Variants in C1QTNF5 observed in about 807,000 individuals in gnomAD.
The protein encoded by C1QTNF5 is complement C1q tumor necrosis factor-related protein 5.
C1QTNF5 carries 5 observed loss-of-function variants against 10.9 expected under a neutral mutation model. The observed-to-expected ratio is 0.46, with a 90% CI of 0.24 to 0.97. The LOEUF (loss-of-function observed/expected upper bound fraction) is 0.97, where lower values mean the gene tolerates loss of function less well. Among genes scored for constraint, C1QTNF5 ranks in the 50% least tolerant of loss-of-function variants. The pLI, the probability that C1QTNF5 is intolerant of heterozygous loss-of-function variation, is 0.19. For missense variants in C1QTNF5, 281 were observed against 339.4 expected, an observed-to-expected ratio of 0.83 and a Z score of 1.35; for synonymous variants, 161 against 156.5, an observed-to-expected ratio of 1.03 and a Z score of -0.22.
upstream of C1QTNF5, chr11:119,342,502 G>T: frequency 6.6e-7 from 1 of 1,522,336 alleles, no homozygotes; most frequent in Non-Finnish European, 8.9e-7. Flanking sequence ...CGCCCCCTCA[G>T]GGAGGTTGGG....
chr11:119,344,735 G>C, upstream of C1QTNF5: 1 of 1,614,056 alleles, frequency 6.2e-7, no homozygotes, highest in Non-Finnish European at 8.5e-7. Flanking sequence ...GGTCACAGCG[G>C]AACTCATCAT....
Position 119,339,861 on chromosome 11 carries a change from C to G in C1QTNF5, c.215-13G>C, listed in dbSNP as rs545270548. On this transcript the variant is annotated splice_polypyrimidine_tract_variant and intron_variant, in intron 2 of 2. Coordinates refer to ENST00000528368, the MANE Select transcript of C1QTNF5 (RefSeq NM_001278431.2). This position sits in a 1 kb window ranked among gnomAD's most constrained non-coding sequence, Gnocchi z 5.4. ...GGTCCCGGCAGTCCTGCGGGGTAAG[C>G]GGGGCGGCAGGGTGAGAGTAGCGGC... is the stretch of plus-strand genomic sequence containing the variant. 5.5e-6 allele frequency: 8 copies of G among 1,463,056 alleles called. No individual in the cohort carries two copies. In the South Asian group the frequency reaches 8.3e-5, roughly 15 times the overall value. 90.6% of individuals were successfully genotyped at this position (1,463,056 alleles called of 1,614,324 possible). A position where few individuals can be genotyped will look rare whatever the true frequency, so the allele number is the denominator to read the frequency against.
chr11:119,344,456 G>T, upstream of C1QTNF5: 1 of 1,552,640 alleles, frequency 6.4e-7, no homozygotes. Flanking sequence ...TAGGGCTGGC[G>T]GTGATTACAG....
upstream of C1QTNF5, chr11:119,342,762 C>T: frequency 6.2e-7 from 1 of 1,613,332 alleles, no homozygotes; most frequent in Non-Finnish European, 8.5e-7. Context: ...TGCCCGGGGA[C>T]ATACCTACAC....
At chr11:119,345,146 G>A (rs1950547711), upstream of C1QTNF5, 6 of 1,142,342 alleles carry the variant, frequency 5.3e-6, no homozygotes, top group Non-Finnish European at 7.5e-6. Flanking sequence ...GATGTCCCAG[G>A]GAGCTCTGAC....
At chr11:119,345,853 G>C (rs1299599168), upstream of C1QTNF5, 1 of 1,613,834 alleles carries the variant, frequency 6.2e-7, no homozygotes. Flanking sequence ...GATGGTGGGG[G>C]TGGTGGTGGT....
In C1QTNF5 at chr11:119,340,281, G is replaced by T. The variant is rs1444756477; in HGVS notation, c.117C>A (p.Gly39=). The change falls in exon 2 of 3, where the codon GGC becomes GGA. Residue 39 remains glycine, a synonymous_variant. Transcript: ENST00000528368. ...CCGGCAAGCCCTGGCTGCCATGGTGGCCCGGCGTGCCTGGAAGGCCGGGGT... is the reference window on the plus strand; with the variant it reads ...CCGGCAAGCCCTGGCTGCCATGGTGTCCCGGCGTGCCTGGAAGGCCGGGGT... ...PGHPGLPGTP[G]HHGSQGLPGR... The T allele has an allele frequency of 1.3e-6, 2 of 1,530,594 alleles. No individual in the cohort carries two copies. The highest frequency in any genetic ancestry group is 2.6e-5 in the East Asian group (1 of 38,594). 94.8% of individuals were successfully genotyped at this position (1,530,594 alleles called of 1,614,324 possible). A position where few individuals can be genotyped will look rare whatever the true frequency, so the allele number is the denominator to read the frequency against.
At chr11:119,343,633 G>A (rs541535800), upstream of C1QTNF5, among the ~76,000 whole-genome samples, 21 of 152,342 alleles carry the variant, frequency 1.4e-4, no homozygotes, top group African/African-American at 4.8e-4. Flanking sequence ...CTGGGGACAG[G>A]GAGAGTGTGG....
At position 119,339,142 on chromosome 11, in the gene C1QTNF5, A is replaced by G. The variant is rs1950469334; in HGVS notation, c.*189T>C. ...TGGGCAGAAATCCAGCCACTGCCCCATGCTGCCAGACCTGATCGCAGACAG... is the reference window on the plus strand; with the variant it reads ...TGGGCAGAAATCCAGCCACTGCCCCGTGCTGCCAGACCTGATCGCAGACAG... On this transcript the variant is annotated 3_prime_UTR_variant, in exon 3 of 3. Transcript: ENST00000528368. The surrounding 1 kb of genome is among the most constrained non-coding windows in gnomAD (Gnocchi z 5.4). The G allele has an allele frequency of 1.5e-6, 1 of 654,600 alleles. No individual in the cohort carries two copies. The highest frequency in any genetic ancestry group is 1.8e-5 in the African/African-American group (1 of 54,936). 40.5% of individuals were successfully genotyped at this position (654,600 alleles called of 1,614,324 possible). A position where few individuals can be genotyped will look rare whatever the true frequency, so the allele number is the denominator to read the frequency against.
upstream of C1QTNF5, chr11:119,343,957 G>T (rs1296641221): frequency 1.2e-6 from 2 of 1,612,656 alleles, no homozygotes; most frequent in South Asian, 2.2e-5. Context: ...GATATGCCAG[G>T]TGCAGAGCTG....
At chr11:119,340,909 A>T (rs1490085321), upstream of C1QTNF5, 4 of 168,428 alleles carry the variant, frequency 2.4e-5, no homozygotes. Flanking sequence ...CCGGACCGGG[A>T]AATAGCTGGG....
At chr11:119,344,522 A>T, upstream of C1QTNF5, 1 of 1,593,154 alleles carries the variant, frequency 6.3e-7, no homozygotes, top group Middle Eastern at 1.8e-4. Context: ...AGAATGACTG[A>T]GCAGGAAATG....
upstream of C1QTNF5, chr11:119,342,460 C>G: frequency 8.6e-7 from 1 of 1,159,076 alleles, no homozygotes. Context: ...GTGAAGTGGT[C>G]CCAGAGTCAG....
chr11:119,340,030 C>T (rs1950484694), intron 2 of C1QTNF5, among the ~76,000 whole-genome samples, 154 bp downstream of exon 2: 1 of 152,182 alleles, frequency 6.6e-6, no homozygotes. Context: ...GCCAAGGGGG[C>T]TCCCGCCGCC....
upstream of C1QTNF5, chr11:119,343,675 G>A (rs1591303807): frequency 9.6e-7 from 1 of 1,046,132 alleles, no homozygotes; most frequent in East Asian, 2.4e-5. Flanking sequence ...GCTGTCTTTA[G>A]GGTGATGGTG....
upstream of C1QTNF5, chr11:119,345,026 G>T (rs901440921): frequency 5.6e-6 from 9 of 1,596,134 alleles, no homozygotes; most frequent in African/African-American, 8.0e-5. Flanking sequence ...CAGGTTGGGG[G>T]TGAGGGAGGC....
chr11:119,345,272 A>G (rs1950549824), upstream of C1QTNF5: 1 of 856,258 alleles, frequency 1.2e-6, no homozygotes, highest in African/African-American at 1.7e-5. Context: ...TCCTCACGGC[A>G]CACAGCAAGG....
chr11:119,343,071 CA>C (rs1351071642), upstream of C1QTNF5: 6 of 1,543,706 alleles, frequency 3.9e-6, no homozygotes, highest in African/African-American at 8.2e-5. Flanking sequence ...CAGCCTCCCA[CA>C]GGCCTGGCTC....
chr11:119,344,269 G>A, upstream of C1QTNF5: 1 of 1,553,102 alleles, frequency 6.4e-7, no homozygotes, highest in Non-Finnish European at 8.9e-7. Context: ...GGGATCAGGT[G>A]CTTCCGTGTG....
Sources: allele counts gnomAD v4.1 joint callset (sites outside exome capture counted in the v4.1 genomes callset), GRCh38; gene constraint gnomAD v4.1.1; non-coding constraint Gnocchi (gnomAD v3.1); transcripts MANE v1.5; gene names NCBI Gene and HGNC (gene_info 2026-07-23, HGNC 2026-07-21).